RFX4: variants seen among roughly 807,000 people sequenced by gnomAD.
RFX4 encodes transcription factor RFX4.
A neutral mutation model predicts 95.0 loss-of-function variants in RFX4; 10 were observed. The observed-to-expected ratio is 0.11, with a 90% CI of 0.06 to 0.18. The LOEUF is 0.18. Ranked by LOEUF, RFX4 falls within the 10% of genes least tolerant of loss-of-function variation. RFX4 has a pLI of 1.00. For synonymous variants in RFX4, 321 were observed against 340.7 expected (o/e 0.94, Z 0.64); for missense variants, 640 against 922.0 (o/e 0.69, Z 3.96).
chr12:106,629,278 GT>G (rs2040367834), intron 2 of RFX4, among the ~76,000 whole-genome samples: 1 of 152,158 alleles, frequency 6.6e-6, no homozygotes, highest in African/African-American at 2.4e-5. Context: ...CACCTGGGCT[GT>G]TTCCAAACTT....
intron 2 of RFX4, among the ~76,000 whole-genome samples, chr12:106,618,821 AC>A (rs967990612): frequency 6.6e-6 from 1 of 151,840 alleles, no homozygotes; most frequent in African/African-American, 2.4e-5. Context: ...CTTTATTCTT[AC>A]TTTTTAGCTT....
At chr12:106,626,035 G>A (rs1374183883) in intron 2 of RFX4, among the ~76,000 whole-genome samples, 3 of 152,118 alleles carry the variant, frequency 2.0e-5, no homozygotes, top group Admixed American at 1.3e-4. Context: ...AGAAGTTAAG[G>A]CACATACTTG....
Position 106,608,864 on chromosome 12 carries a change from G to A in RFX4, c.111G>A (p.Gly37=), listed in dbSNP as rs368118349. Residue 37 remains glycine (G), a synonymous_variant, in exon 2 of 18, where the codon GGG becomes GGA. Transcript: ENST00000392842. ...NKRYSSHTSL[G]NVSNDENEEK... ...GTTATTCCAGCCACACATCTCTGGGGAATGTTTCTAATGATGAAAGTAAGT... is the reference window on the plus strand; with the variant it reads ...GTTATTCCAGCCACACATCTCTGGGAAATGTTTCTAATGATGAAAGTAAGT... 92 of 1,611,784 alleles carry A rather than the reference G, an allele frequency of 5.7e-5. No individual in the cohort carries two copies. The highest frequency in any genetic ancestry group is 7.0e-5 in the Non-Finnish European group (83 of 1,179,452).
chr12:106,732,294 T>C (rs2042628034), intron 14 of RFX4, 45 bp downstream of exon 14: 1 of 1,607,982 alleles, frequency 6.2e-7, no homozygotes, highest in African/African-American at 1.3e-5. Flanking sequence ...GGTAATGTTA[T>C]TTGTATCCTT....
chr12:106,629,001 C>T (rs1329185347), intron 2 of RFX4, among the ~76,000 whole-genome samples: 4 of 152,102 alleles, frequency 2.6e-5, no homozygotes, highest in Non-Finnish European at 5.9e-5. Flanking sequence ...TCAAGTGATC[C>T]ACTGGCCTTG....
intron 15 of RFX4, among the ~76,000 whole-genome samples, chr12:106,734,116 T>C (rs1265173134): frequency 6.6e-6 from 1 of 152,080 alleles, no homozygotes; most frequent in Non-Finnish European, 1.5e-5. Flanking sequence ...GTACCTAGAA[T>C]AGTCAAAGTC....
intron 1 of RFX4, among the ~76,000 whole-genome samples, chr12:106,596,824 C>T (rs2039626909): frequency 6.6e-6 from 1 of 152,248 alleles, no homozygotes; most frequent in Non-Finnish European, 1.5e-5. Context: ...CAGTACATAG[C>T]ATCTGCTAGA....
intron 1 of RFX4, among the ~76,000 whole-genome samples, chr12:106,600,899 A>G (rs2039693291): frequency 1.3e-5 from 2 of 151,766 alleles, no homozygotes; most frequent in Admixed American, 1.3e-4. Context: ...CTATGGCTTT[A>G]TTTTCTTCAT....
intron 2 of RFX4, among the ~76,000 whole-genome samples, chr12:106,636,306 C>G (rs2040509200): frequency 6.6e-6 from 1 of 151,392 alleles, no homozygotes; most frequent in East Asian, 1.9e-4. Flanking sequence ...AGGAGAATCA[C>G]CTGAACCTGG....
intron 11 of RFX4, among the ~76,000 whole-genome samples, chr12:106,719,286 T>C (rs1270143480): frequency 1.3e-5 from 2 of 152,214 alleles, no homozygotes; most frequent in African/African-American, 2.4e-5. Flanking sequence ...ACCTACTACA[T>C]GCCACACAGA....
At chr12:106,606,736 C>T (rs1048286035) in intron 1 of RFX4, among the ~76,000 whole-genome samples, 2 of 152,160 alleles carry the variant, frequency 1.3e-5, no homozygotes, top group African/African-American at 4.8e-5. Context: ...TATTTTCCCC[C>T]TACTTATTCA....
chr12:106,634,007 A>T (rs2040465549), intron 2 of RFX4, among the ~76,000 whole-genome samples: 1 of 152,120 alleles, frequency 6.6e-6, no homozygotes, highest in South Asian at 2.1e-4. Context: ...GGACTGTATG[A>T]CCCTCACATG....
At chr12:106,737,363 C>G (rs983081591) in intron 15 of RFX4, among the ~76,000 whole-genome samples, 1 of 151,336 alleles carries the variant, frequency 6.6e-6, no homozygotes, top group East Asian at 1.9e-4. Flanking sequence ...AAGTGTGGTC[C>G]CTGCCCCCTG....
At chr12:106,752,516 G>A (rs375516336) in intron 17 of RFX4, among the ~76,000 whole-genome samples, 1 of 151,720 alleles carries the variant, frequency 6.6e-6, no homozygotes, top group East Asian at 1.9e-4. Flanking sequence ...CATGTCTGCT[G>A]CCCTTTTTCG....
At chr12:106,743,790 C>T (rs373216936) in intron 15 of RFX4, among the ~76,000 whole-genome samples, 2 of 152,230 alleles carry the variant, frequency 1.3e-5, no homozygotes, top group East Asian at 1.9e-4. Context: ...CTTTGGTTTC[C>T]TTGGCTGCCC....
At chr12:106,607,178 C>T (rs544237635) in intron 1 of RFX4, among the ~76,000 whole-genome samples, 13 of 152,184 alleles carry the variant, frequency 8.5e-5, no homozygotes, top group Non-Finnish European at 1.8e-4. Flanking sequence ...TGCTATAATA[C>T]CCCATATGCC....
chr12:106,723,576 T>C (rs1413106714), intron 13 of RFX4, among the ~76,000 whole-genome samples: 1 of 152,158 alleles, frequency 6.6e-6, no homozygotes, highest in Non-Finnish European at 1.5e-5. Flanking sequence ...AGTTTCACTT[T>C]TTTACACACC....
chr12:106,584,947 G>T (rs781625852), intron 1 of RFX4, among the ~76,000 whole-genome samples: 1 of 152,196 alleles, frequency 6.6e-6, no homozygotes, highest in Non-Finnish European at 1.5e-5. Flanking sequence ...CTCCGGACAC[G>T]GCAGGCCCCG....
chr12:106,588,631 T>G (rs1323110746), intron 1 of RFX4, among the ~76,000 whole-genome samples: 1 of 152,122 alleles, frequency 6.6e-6, no homozygotes, highest in Non-Finnish European at 1.5e-5. Context: ...AAAATTGATA[T>G]GCTCTATTGA....
Sources: allele counts gnomAD v4.1 joint callset (sites outside exome capture counted in the v4.1 genomes callset), GRCh38; gene constraint gnomAD v4.1.1; transcripts MANE v1.5; gene names NCBI Gene and HGNC (gene_info 2026-07-23, HGNC 2026-07-21).